Variants in SPMIP6 observed in about 807,000 individuals in gnomAD.
The protein encoded by SPMIP6 is sperm microtubule inner protein 6.
At chr9:34,395,094 CT>C in the SPMIP6 span, among the ~76,000 whole-genome samples, 3 of 152,014 alleles carry the variant, frequency 2.0e-5, no homozygotes, top group Non-Finnish European at 4.4e-5. Context: ...TCCCGAGTAG[CT>C]GGGACTATGG....
the SPMIP6 span, among the ~76,000 whole-genome samples, chr9:34,395,352 T>C: frequency 6.6e-6 from 1 of 152,224 alleles, no homozygotes; most frequent in African/African-American, 2.4e-5. Context: ...CAAGAGTTAC[T>C]ACATCCGAGA....
the SPMIP6 span, chr9:34,380,854 G>A: frequency 6.5e-7 from 1 of 1,529,766 alleles, no homozygotes; most frequent in East Asian, 2.4e-5. Flanking sequence ...GGCGGGGCTT[G>A]TGTGGGGTGG....
At chr9:34,388,936 T>C in the SPMIP6 span, among the ~76,000 whole-genome samples, 44 of 109,666 alleles carry the variant, frequency 4.0e-4, no homozygotes, top group African/African-American at 8.3e-4. Flanking sequence ...CTCTTTCTTT[T>C]TTTTTTTTTT....
chr9:34,380,621 G>A, the SPMIP6 span: 1 of 1,494,876 alleles, frequency 6.7e-7, no homozygotes, highest in Non-Finnish European at 8.9e-7. Context: ...GGGACCTCCA[G>A]AGCATATAGA....
the SPMIP6 span, chr9:34,380,664 G>A: frequency 4.5e-6 from 7 of 1,539,834 alleles, no homozygotes; most frequent in South Asian, 1.2e-5. Flanking sequence ...CAGTTTGAGA[G>A]GGACAGGGGT....
chr9:34,379,705 G>A, the SPMIP6 span: 1 of 1,614,086 alleles, frequency 6.2e-7, no homozygotes, highest in South Asian at 1.1e-5. This position sits in a 1 kb window ranked among gnomAD's most constrained non-coding sequence, Gnocchi z 4.2. Context: ...ACTGCATTCC[G>A]GGCCGGTGCT....
the SPMIP6 span, chr9:34,379,545 G>A: frequency 1.9e-6 from 2 of 1,055,374 alleles, no homozygotes; most frequent in Admixed American, 3.7e-5. The surrounding 1 kb of genome is among the most constrained non-coding windows in gnomAD (Gnocchi z 4.2). Context: ...TCAGTGCACC[G>A]CGGAGCGTTC....
chr9:34,394,962 CATTCT>C, the SPMIP6 span, among the ~76,000 whole-genome samples: 2 of 133,586 alleles, frequency 1.5e-5, no homozygotes, highest in Non-Finnish European at 3.3e-5. Context: ...GCTTTTCCTT[CATTCT>C]TTTTTTTTTT....
chr9:34,379,567 A>G, the SPMIP6 span: 2 of 1,280,468 alleles, frequency 1.6e-6, no homozygotes, highest in African/African-American at 2.9e-5. This position sits in a 1 kb window ranked among gnomAD's most constrained non-coding sequence, Gnocchi z 4.2. Context: ...CATCCCGTCT[A>G]CCAGACATCC....
At chr9:34,390,720 A>G in the SPMIP6 span, among the ~76,000 whole-genome samples, 1 of 152,114 alleles carries the variant, frequency 6.6e-6, no homozygotes, top group African/African-American at 2.4e-5. Context: ...TGTGGGCTCA[A>G]GCATTCCTCC....
At chr9:34,382,948 C>T in the SPMIP6 span, 2 of 980,300 alleles carry the variant, frequency 2.0e-6, no homozygotes, top group Non-Finnish European at 1.6e-6. Flanking sequence ...ACATGTTTCT[C>T]TTCCGATTCC....
the SPMIP6 span, among the ~76,000 whole-genome samples, chr9:34,394,557 G>T: frequency 6.6e-6 from 1 of 152,068 alleles, no homozygotes. Flanking sequence ...ATGGTGGTTT[G>T]TTTTCTTTTA....
chr9:34,382,638 C>A, the SPMIP6 span: 2 of 746,906 alleles, frequency 2.7e-6, no homozygotes, highest in Non-Finnish European at 4.9e-6. Context: ...AGCTCTGGGG[C>A]ATTTGTTGGG....
chr9:34,381,083 T>G, the SPMIP6 span: 25 of 1,610,778 alleles, frequency 1.6e-5, no homozygotes, highest in Admixed American at 4.0e-4. This position sits in a 1 kb window ranked among gnomAD's most constrained non-coding sequence, Gnocchi z 4.4. Context: ...CCGCGGCAGC[T>G]GCTGGTTCCG....
At chr9:34,397,380 A>C in the SPMIP6 span, 2 of 1,117,824 alleles carry the variant, frequency 1.8e-6, no homozygotes, top group South Asian at 2.6e-5. Flanking sequence ...TTCTGTGCCT[A>C]GGTAAATGAA....
chr9:34,397,704 T>C, the SPMIP6 span: 3 of 1,497,138 alleles, frequency 2.0e-6, no homozygotes, highest in Admixed American at 2.1e-5. Flanking sequence ...GTGACCACCC[T>C]TCCCCTAGAC....
At chr9:34,381,012 C>T in the SPMIP6 span, 4 of 1,611,170 alleles carry the variant, frequency 2.5e-6, no homozygotes, top group South Asian at 1.1e-5. This position sits in a 1 kb window ranked among gnomAD's most constrained non-coding sequence, Gnocchi z 4.4. Context: ...CAAGCACTTT[C>T]GTAACCATGG....
At chr9:34,384,831 A>G in the SPMIP6 span, among the ~76,000 whole-genome samples, 1 of 152,204 alleles carries the variant, frequency 6.6e-6, no homozygotes, top group South Asian at 2.1e-4. Flanking sequence ...AGAGACAGTG[A>G]GTATGGACCA....
the SPMIP6 span, chr9:34,379,022 G>A: frequency 9.5e-7 from 1 of 1,055,972 alleles, no homozygotes; most frequent in Non-Finnish European, 1.5e-6. The surrounding 1 kb of genome is among the most constrained non-coding windows in gnomAD (Gnocchi z 4.2). Context: ...GGCAGGCTTT[G>A]GGGTTGAAGA....
Sources: allele counts gnomAD v4.1 joint callset (sites outside exome capture counted in the v4.1 genomes callset), GRCh38; gene constraint gnomAD v4.1.1; non-coding constraint Gnocchi (gnomAD v3.1); transcripts MANE v1.5; gene names NCBI Gene and HGNC (gene_info 2026-07-23, HGNC 2026-07-21).